TMEM225B: variants seen among roughly 807,000 people sequenced by gnomAD.
TMEM225B encodes transmembrane protein 225-like.
In TMEM225B, 10 loss-of-function variants were observed where a neutral mutation model predicts 16.9. The ratio of observed to expected loss-of-function variants is 0.59; its 90% confidence interval spans 0.36 to 1.00. The LOEUF is 1.00. Ranked by LOEUF, TMEM225B falls within the 50% of genes least tolerant of loss-of-function variation. The pLI is 0.01. For synonymous variants in TMEM225B, 92 were observed against 109.8 expected, an observed-to-expected ratio of 0.84 and a Z score of 1.01; for missense variants, 217 against 267.0, an observed-to-expected ratio of 0.81 and a Z score of 1.30.
At chr7:99,602,958 A>G (rs985972586) in intron 2 of TMEM225B, among the ~76,000 whole-genome samples, 1 of 152,098 alleles carries the variant, frequency 6.6e-6, no homozygotes, top group African/African-American at 2.4e-5. Context: ...AGTTCATGCG[A>G]TCCTCCCACC....
chr7:99,600,440 C>G (rs1206837721), intron 2 of TMEM225B, among the ~76,000 whole-genome samples, 155 bp downstream of exon 2: 3 of 152,112 alleles, frequency 2.0e-5, no homozygotes, highest in African/African-American at 4.8e-5. Context: ...GTGTATTAGT[C>G]TGTTCTCATG....
intron 5 of TMEM225B, among the ~76,000 whole-genome samples, chr7:99,609,180 CA>C (rs553377201): frequency 6.6e-6 from 1 of 151,874 alleles, no homozygotes; most frequent in Non-Finnish European, 1.5e-5. Context: ...AACAAACAAA[CA>C]AAAAACCACA....
At position 99,598,267 on chromosome 7, in the gene TMEM225B, A is replaced by C. The variant is rs1319753908; in HGVS notation, c.-199A>C. 3.3e-5 allele frequency: 5 copies of C among 152,296 alleles called. No individual in the cohort carries two copies. Among genetic ancestry groups the C allele is most frequent in the African/African-American group, 1.2e-4 (5 of 41,464 alleles). 9.4% of individuals were successfully genotyped at this position (152,296 alleles called of 1,614,324 possible). A position where few individuals can be genotyped will look rare whatever the true frequency, so the allele number is the denominator to read the frequency against. The stretch of plus-strand genomic sequence containing the variant: ...ACCCCCCGCCGGGGCCTCTGGGGCC[A>C]ACGGAAGCTCCAGGAGCGCGGTGGA... On this transcript the variant is annotated 5_prime_UTR_variant, in exon 1 of 6. Transcript: ENST00000431679.
chr7:99,606,144 T>G (rs1805792155), intron 3 of TMEM225B, among the ~76,000 whole-genome samples: 1 of 152,198 alleles, frequency 6.6e-6, no homozygotes, highest in African/African-American at 2.4e-5. Context: ...ATAACATTTG[T>G]TAAGGCCAGG....
intron 3 of TMEM225B, 94 bp from the exon 4 acceptor site, chr7:99,606,654 G>T: frequency 8.3e-7 from 1 of 1,207,854 alleles, no homozygotes; most frequent in Non-Finnish European, 1.1e-6. Context: ...GGGTGGTGGA[G>T]GCTCCGGGGG....
At chr7:99,602,070 G>A (rs767634181) in intron 2 of TMEM225B, among the ~76,000 whole-genome samples, 37 of 152,346 alleles carry the variant, frequency 2.4e-4, no homozygotes, top group Non-Finnish European at 4.4e-4. Context: ...GCTTTGGGTA[G>A]GACTTGGAAA....
chr7:99,602,678 G>A (rs990077527), intron 2 of TMEM225B, among the ~76,000 whole-genome samples: 9 of 152,090 alleles, frequency 5.9e-5, no homozygotes, highest in Admixed American at 1.3e-4. Flanking sequence ...TACCCACCAC[G>A]GTGTAACTAC....
intron 2 of TMEM225B, 118 bp downstream of exon 2, chr7:99,600,403 C>A (rs1368009955): frequency 1.5e-6 from 1 of 659,124 alleles, no homozygotes; most frequent in Non-Finnish European, 2.7e-6. Flanking sequence ...GCAGAACAGG[C>A]ACCCCCGCCC....
chr7:99,599,654 A>G (rs1449826597), intron 1 of TMEM225B, among the ~76,000 whole-genome samples: 1 of 152,240 alleles, frequency 6.6e-6, no homozygotes, highest in Non-Finnish European at 1.5e-5. Context: ...GCAGTCGTAT[A>G]TTCCCCCATT....
intron 3 of TMEM225B, chr7:99,605,663 C>T (rs1183613795): frequency 6.6e-6 from 1 of 152,254 alleles, no homozygotes; most frequent in Non-Finnish European, 1.5e-5. Flanking sequence ...GATCATAGCT[C>T]ACTGCAGCCT....
At chr7:99,608,869 A>G (rs1308683506) in intron 5 of TMEM225B, among the ~76,000 whole-genome samples, 1 of 150,618 alleles carries the variant, frequency 6.6e-6, no homozygotes, top group Non-Finnish European at 1.5e-5. Flanking sequence ...ACACACACAC[A>G]TATATGTGTA....
In TMEM225B at chr7:99,610,516, C is replaced by A. The variant is rs555076906; in HGVS notation, c.617C>A (p.Pro206Gln). Residue 206 changes from proline to glutamine, a missense_variant, in exon 6 of 6, where the codon CCG (proline) becomes CAG (glutamine). Transcript: ENST00000431679. ...AATCTGGAGAGTTTGGGAGGAGAAC[C>A]GAGCTCAGTACAAAAGGAGACACAG... ...LDNLESLGGE[P>Q]SSVQKETQVT... 6.5e-7 allele frequency: 1 copy of A among 1,535,944 alleles called. No individual in the cohort carries two copies. Among genetic ancestry groups the A allele is most frequent in the Non-Finnish European group, 8.7e-7 (1 of 1,146,904 alleles).
At chr7:99,606,426 C>T (rs1431193840) in intron 3 of TMEM225B, among the ~76,000 whole-genome samples, 3 of 152,142 alleles carry the variant, frequency 2.0e-5, no homozygotes, top group African/African-American at 7.2e-5. Context: ...GAGATTGCAC[C>T]ACCACACTCC....
chr7:99,606,670 C>T, intron 3 of TMEM225B, 78 bp from the exon 4 acceptor site: 1 of 1,410,400 alleles, frequency 7.1e-7, no homozygotes, highest in Non-Finnish European at 9.5e-7. Context: ...GGGGGCCAGC[C>T]CTGCCCAGGC....
intron 3 of TMEM225B, among the ~76,000 whole-genome samples, chr7:99,606,518 T>C (rs546225769): frequency 6.6e-6 from 1 of 152,296 alleles, no homozygotes; most frequent in South Asian, 2.1e-4. Context: ...GTGTCTGACA[T>C]TGTCAATTTA....
At chr7:99,607,456 G>T (rs1320409617) in intron 4 of TMEM225B, among the ~76,000 whole-genome samples, 2 of 152,206 alleles carry the variant, frequency 1.3e-5, no homozygotes, top group African/African-American at 4.8e-5. Flanking sequence ...AGGGTGCTAG[G>T]AAAGGGAGTT....
chr7:99,603,891 T>G (rs985922520), intron 2 of TMEM225B, among the ~76,000 whole-genome samples: 2 of 152,008 alleles, frequency 1.3e-5, no homozygotes, highest in African/African-American at 4.8e-5. Flanking sequence ...GGCTTCTGAG[T>G]AGCTGGGACT....
intron 5 of TMEM225B, among the ~76,000 whole-genome samples, chr7:99,608,716 A>AT (rs955129921): frequency 1.3e-3 from 147 of 116,294 alleles, no homozygotes; most frequent in Middle Eastern, 3.8e-3. Flanking sequence ...GTTAAAAAAA[A>AT]ATATATATAT....
At chr7:99,602,460 G>A (rs1258778377) in intron 2 of TMEM225B, among the ~76,000 whole-genome samples, 1 of 152,146 alleles carries the variant, frequency 6.6e-6, no homozygotes, top group South Asian at 2.1e-4. Flanking sequence ...GGACACTTTG[G>A]TATGCGTTAT....
Sources: gnomAD v4.1 joint callset for allele counts (sites outside exome capture counted in the v4.1 genomes callset) on GRCh38, gnomAD v4.1.1 for gene constraint, MANE v1.5 for transcripts, NCBI Gene and HGNC (gene_info 2026-07-23, HGNC 2026-07-21) for gene names.